OXTR: variants seen among roughly 807,000 people sequenced by gnomAD.
OXTR encodes the protein oxytocin receptor.
OXTR carries 19 observed loss-of-function variants against 23.9 expected under a neutral mutation model. That is an observed-to-expected ratio of 0.80 (90% CI 0.56 to 1.17). The LOEUF is 1.17. Among genes scored for constraint, OXTR ranks in the 50% most tolerant of loss-of-function variants. OXTR has a pLI of 0.00. For missense variants in OXTR, 500 were observed against 550.7 expected (o/e 0.91, Z 0.92); for synonymous variants, 278 against 250.5 (o/e 1.11, Z -1.04).
intron 3 of OXTR, among the ~76,000 whole-genome samples, chr3:8,761,817 G>A (rs147779067): frequency 8.0e-4 from 122 of 152,278 alleles, no homozygotes; most frequent in African/African-American, 2.8e-3. Context: ...ATTATGAGCC[G>A]TTATCCCCAT....
In OXTR at chr3:8,767,957, G is replaced by A; in HGVS notation, c.231C>T (p.Phe77=). ...TRQKHSRLFF[F]MKHLSIADLV... ...GGTCGGCGATGCTTAGGTGCTTCAT[G>A]AAGAAGAAGAGGCGCGAGTGCTTCT... Residue 77 remains phenylalanine (F), a synonymous_variant, in exon 3 of 4, where the codon TTC becomes TTT. Transcript: ENST00000316793. The A allele has an allele frequency of 6.2e-7, 1 of 1,612,896 alleles. No homozygotes were observed. Among genetic ancestry groups the A allele is most frequent in the Non-Finnish European group, 8.5e-7 (1 of 1,179,572 alleles).
At chr3:8,745,166 A>T in the OXTR span, 6 of 275,632 alleles carry the variant, frequency 2.2e-5, no homozygotes, top group Non-Finnish European at 3.5e-5. This position sits in a 1 kb window ranked among gnomAD's most constrained non-coding sequence, Gnocchi z 4.8. Flanking sequence ...AAAGTGTGGC[A>T]CTCCACCCCC....
intron 3 of OXTR, among the ~76,000 whole-genome samples, chr3:8,762,922 C>T (rs995179193): frequency 6.6e-6 from 1 of 152,196 alleles, no homozygotes; most frequent in Admixed American, 6.5e-5. Context: ...GCCATCCCTG[C>T]CCCGTCTCAC....
chr3:8,744,194 C>T, the OXTR span, among the ~76,000 whole-genome samples: 375 of 152,016 alleles, frequency 2.5e-3, 1 homozygote, highest in Non-Finnish European at 4.0e-3. Context: ...TCCCACTTGG[C>T]GGGCTGTACT....
downstream of OXTR, chr3:8,746,676 C>T (rs1708172113): frequency 1.3e-5 from 2 of 149,816 alleles, no homozygotes; most frequent in South Asian, 4.2e-4. Flanking sequence ...AGGGTACCTT[C>T]GCCCTCAGGA....
Position 8,753,032 on chromosome 3 carries a change from A to T in OXTR, c.1115T>A (p.Val372Asp). ...CTGGCTGGAGCTGCGATGGCTCAGG[A>T]CAAAGGAGGACGAGTTGCTCTTTTT... ...ASKKSNSSSF[V>D]LSHRSSSQRS... The change falls in exon 4 of 4, where the codon GTC becomes GAC. Residue 372 changes from valine to aspartate, a missense_variant. Coordinates refer to ENST00000316793, the MANE Select transcript of OXTR (RefSeq NM_000916.4). 1.9e-6 allele frequency: 3 copies of T among 1,614,130 alleles called. No individual in the cohort carries two copies. Among genetic ancestry groups the T allele is most frequent in the Non-Finnish European group, 2.5e-6 (3 of 1,180,006 alleles).
At position 8,767,803 on chromosome 3, in the gene OXTR, G is replaced by A. The variant is rs1308378735; in HGVS notation, c.385C>T (p.Leu129=). The change falls in exon 3 of 4, where the codon CTG becomes TTG. Residue 129 remains leucine (L), a synonymous_variant. Coordinates refer to ENST00000316793, the MANE Select transcript of OXTR (RefSeq NM_000916.4). ...QVVGMFASTY[L]LLLMSLDRCL... is the part of the protein sequence containing the mutation. Reference sequence around the variant, plus strand: ...CGGTCCAGGGACATGAGCAGCAGCAGGTAGGTGGAGGCGAACATGCCCACC... The same window carrying A: ...CGGTCCAGGGACATGAGCAGCAGCAAGTAGGTGGAGGCGAACATGCCCACC... The A allele has an allele frequency of 2.5e-6, 4 of 1,609,992 alleles. No homozygotes were observed. Among genetic ancestry groups the A allele is most frequent in the Non-Finnish European group, 2.5e-6 (3 of 1,178,324 alleles).
intron 3 of OXTR, among the ~76,000 whole-genome samples, chr3:8,758,985 ACAGGG>A (rs1379219431): frequency 6.6e-6 from 1 of 152,232 alleles, no homozygotes; most frequent in African/African-American, 2.4e-5. Flanking sequence ...ATGGCTGGCT[ACAGGG>A]CATCTGATAG....
At chr3:8,754,152 C>T (rs1708326895) in intron 3 of OXTR, among the ~76,000 whole-genome samples, 1 of 152,176 alleles carries the variant, frequency 6.6e-6, no homozygotes, top group Non-Finnish European at 1.5e-5. Context: ...ATCTGAAGTA[C>T]TCTGTAAAGG....
Position 8,768,220 on chromosome 3 carries a change from G to C in OXTR, c.-33C>G, listed in dbSNP as rs925383824. 4.7e-6 allele frequency: 6 copies of C among 1,277,836 alleles called. No homozygotes were observed. The East Asian group carries it at 1.9e-4, about 41-fold the overall frequency. The allele number at this position is 1,277,836 out of a possible 1,614,324, so 79.2% of individuals were successfully genotyped here. On this transcript the variant is annotated 5_prime_UTR_variant, in exon 3 of 4. Coordinates refer to ENST00000316793, the MANE Select transcript of OXTR (RefSeq NM_000916.4). The surrounding 1 kb of genome is among the most constrained non-coding windows in gnomAD (Gnocchi z 5.4). ...GCGGCAGCGGTGCGCCCCGGCCTTC[G>C]AGCCCTTTACGGCTTGGCGCGGCTG...
chr3:8,747,414 C>T (rs1166035927), downstream of OXTR, among the ~76,000 whole-genome samples: 4 of 152,184 alleles, frequency 2.6e-5, no homozygotes, highest in African/African-American at 7.2e-5. Context: ...CTATCATTAA[C>T]GTTTTTCTAC....
At chr3:8,766,120 A>C (rs1460826386) in intron 3 of OXTR, among the ~76,000 whole-genome samples, 7 of 152,200 alleles carry the variant, frequency 4.6e-5, no homozygotes, top group Admixed American at 4.6e-4. Flanking sequence ...TTCTTTACAA[A>C]CATTTGAAGT....
chr3:8,753,593 T>C (rs1708315114), intron 3 of OXTR, among the ~76,000 whole-genome samples: 1 of 152,210 alleles, frequency 6.6e-6, no homozygotes, highest in Non-Finnish European at 1.5e-5. Flanking sequence ...ACTTCGAGTG[T>C]CTGCAAGCAC....
the OXTR span, among the ~76,000 whole-genome samples, chr3:8,744,176 C>A: frequency 6.6e-6 from 1 of 152,118 alleles, no homozygotes; most frequent in Non-Finnish European, 1.5e-5. Context: ...GCAAACAGCT[C>A]TGCAACCTCC....
At position 8,767,506 on chromosome 3, in the gene OXTR, A is replaced by G. The variant is rs1406112175; in HGVS notation, c.682T>C (p.Trp228Arg). Residue 228 changes from tryptophan (W) to arginine (R), a missense_variant, in exon 3 of 4, where the codon TGG becomes CGG. Trp to Arg is a moderately radical substitution (Grantham distance 101, BLOSUM62 -3). Transcript: ENST00000316793. ...GCGGTCTTGAGCCGCAAGTTCTGCC[A>G]GATCTTGAAGCTGATAAGGCCGTAG... Reference protein sequence around the residue: ...ACYGLISFKIWQNLRLKTAAA... With the variant: ...ACYGLISFKIRQNLRLKTAAA... The G allele has an allele frequency of 6.2e-7, 1 of 1,612,110 alleles. No individual in the cohort carries two copies. Among genetic ancestry groups the G allele is most frequent in the Admixed American group, 1.7e-5 (1 of 59,878 alleles).
chr3:8,767,161 T>C (rs1708624775), intron 3 of OXTR, 105 bp downstream of exon 3: 2 of 1,157,346 alleles, frequency 1.7e-6, no homozygotes, highest in Middle Eastern at 2.1e-4. Flanking sequence ...CAAACCCGCT[T>C]ATCCCCCAGG....
At chr3:8,745,540 C>T (rs374584030), downstream of OXTR, 122 of 1,614,036 alleles carry the variant, frequency 7.6e-5, no homozygotes, top group East Asian at 4.5e-4. The surrounding 1 kb of genome is among the most constrained non-coding windows in gnomAD (Gnocchi z 4.8). Flanking sequence ...ATTTTGAAGA[C>T]GTGATCGCAG....
rs534029823 is a variant in OXTR, at chr3:8,767,990, G to A, written c.198C>T (p.Thr66=). The part of the protein sequence containing the change: ...GNACVLLALR[T]TRQKHSRLFF... ...AGAGGCGCGAGTGCTTCTGGCGTGT[G>A]GTGCGCAGCGCCAGCAGCACACACG... Residue 66 remains threonine, a synonymous_variant, in exon 3 of 4, where the codon ACC becomes ACT. Transcript: ENST00000316793. The A allele has an allele frequency of 1.9e-6, 3 of 1,611,378 alleles. No homozygotes were observed. Among genetic ancestry groups the A allele is most frequent in the East Asian group, 4.5e-5 (2 of 44,698 alleles).
At chr3:8,758,992 A>G (rs1380334100) in intron 3 of OXTR, among the ~76,000 whole-genome samples, 1 of 152,242 alleles carries the variant, frequency 6.6e-6, no homozygotes, top group African/African-American at 2.4e-5. Context: ...GCTACAGGGC[A>G]TCTGATAGGC....
Sources: gnomAD v4.1 joint callset for allele counts (sites outside exome capture counted in the v4.1 genomes callset) on GRCh38, gnomAD v4.1.1 for gene constraint, Gnocchi (gnomAD v3.1) non-coding constraint, MANE v1.5 for transcripts, NCBI Gene and HGNC (gene_info 2026-07-23, HGNC 2026-07-21) for gene names.